ZNF223: variants seen among roughly 807,000 people sequenced by gnomAD.
The protein encoded by ZNF223 is Homo sapiens zinc finger protein 223.
ZNF223 carries 9 observed loss-of-function variants against 12.3 expected under a neutral mutation model. That is an observed-to-expected ratio of 0.73 (90% confidence interval 0.44 to 1.28). ZNF223 has a LOEUF of 1.28. Among genes scored for constraint, ZNF223 ranks in the 50% most tolerant of loss-of-function variants. The pLI is 0.00. For missense variants in ZNF223, 506 were observed against 579.0 expected (o/e 0.87, Z 1.29); for synonymous variants, 171 against 195.2 (o/e 0.88, Z 1.03).
At chr19:44,063,598 A>AAAGGGGCTGGG (rs1218037158) in intron 4 of ZNF223, 17 of 152,392 alleles carry the variant, frequency 1.1e-4, no homozygotes, top group African/African-American at 4.1e-4. Context: ...AGGAGGCTGG[A>AAAGGGGCTGGG]AAGGGGCTGG....
chr19:44,064,635 G>T (rs1013386430), intron 4 of ZNF223, among the ~76,000 whole-genome samples: 1 of 151,912 alleles, frequency 6.6e-6, no homozygotes, highest in Non-Finnish European at 1.5e-5. Context: ...GTGCAAATTC[G>T]GCAGTTTTTC....
chr19:44,055,211 C>CT lies in ZNF223; in HGVS notation c.15+22dup. 6.2e-7 allele frequency: 1 copy of CT among 1,612,284 alleles called. No individual in the cohort carries two copies. The highest frequency in any genetic ancestry group is 8.5e-7 in the Non-Finnish European group (1 of 1,179,312). ...TCCAAGGTAAGTAGGACTTGCCTCTCTTACTGTTAAAATTCCATCTCACTA... is the reference window on the plus strand; with the variant it reads ...TCCAAGGTAAGTAGGACTTGCCTCTCTTTACTGTTAAAATTCCATCTCACTA... On this transcript the variant is annotated intron_variant, in intron 2 of 4. Transcript: ENST00000434772.
chr19:44,052,645 A>G (rs1976716815), intron 1 of ZNF223, among the ~76,000 whole-genome samples: 1 of 152,128 alleles, frequency 6.6e-6, no homozygotes, highest in Admixed American at 6.5e-5. Flanking sequence ...AAGTGTTTAC[A>G]TTTTTCCTGT....
chr19:44,063,030 G>A (rs1976861701), intron 4 of ZNF223, among the ~76,000 whole-genome samples: 1 of 152,130 alleles, frequency 6.6e-6, no homozygotes, highest in Admixed American at 6.5e-5. Context: ...TATAGATTTA[G>A]TGCTATATTT....
intron 4 of ZNF223, among the ~76,000 whole-genome samples, chr19:44,062,959 T>G (rs73558209): frequency 0.029 from 4,472 of 152,342 alleles, 215 homozygotes; most frequent in African/African-American, 0.1. Context: ...TATTTCCCTT[T>G]TCTTTACATT....
Position 44,066,119 on chromosome 19 carries a change from G to C in ZNF223, c.291G>C (p.Gly97=). ...TTCCAGAAGCAGGACCACATGAAGG[G>C]TGGTCCTGCCAGCAGATCTGGGAAG... The part of the protein sequence containing the change: ...KTFPEAGPHE[G]WSCQQIWEEI... Residue 97 remains glycine, a synonymous_variant, in exon 5 of 5, where the codon GGG becomes GGC. Coordinates refer to ENST00000434772, the MANE Select transcript of ZNF223 (RefSeq NM_013361.6). The C allele has an allele frequency of 2.5e-6, 4 of 1,613,700 alleles. No individual in the cohort carries two copies. Among genetic ancestry groups the C allele is most frequent in the Non-Finnish European group, 3.4e-6 (4 of 1,179,810 alleles).
intron 2 of ZNF223, among the ~76,000 whole-genome samples, chr19:44,057,522 A>G (rs1303059579): frequency 6.6e-6 from 1 of 152,196 alleles, no homozygotes; most frequent in Admixed American, 6.5e-5. Flanking sequence ...AATACCAGCT[A>G]ATGTTCATTA....
chr19:44,061,445 G>A (rs1278243824), intron 4 of ZNF223, among the ~76,000 whole-genome samples: 1 of 152,196 alleles, frequency 6.6e-6, no homozygotes, highest in Non-Finnish European at 1.5e-5. Flanking sequence ...CCTAGACACT[G>A]TCCACACTCC....
At position 44,056,499 on chromosome 19, in the gene ZNF223, T is replaced by A. The variant is rs1185442759; in HGVS notation, c.15+1308T>A. ...GTGAGCCGAGATCGCGCCACTGCAC[T>A]CCAGCCTGAGTGACAGAGTGAGACT... On this transcript the variant is annotated intron_variant, in intron 2 of 4. Transcript: ENST00000434772. Among the ~76,000 whole-genome samples the A allele has an allele frequency of 2.5e-5, 3 of 118,968 alleles. No individual in the cohort carries two copies. In the Admixed American group the frequency reaches 2.8e-4, roughly 11 times the overall value. 78.0% of individuals were successfully genotyped at this position (118,968 alleles called of 152,430 possible). A position where few individuals can be genotyped will look rare whatever the true frequency, so the allele number is the denominator to read the frequency against.
In ZNF223 at chr19:44,066,108, C is replaced by T. The variant is rs1239748414; in HGVS notation, c.280C>T (p.Pro94Ser). The T allele has an allele frequency of 1.9e-6, 3 of 1,608,568 alleles. No homozygotes were observed. The highest frequency in any genetic ancestry group is 3.4e-5 in the Admixed American group (2 of 58,600). The change falls in exon 5 of 5, where the codon CCA (proline) becomes TCA (serine). Residue 94 changes from proline (P) to serine (S), a missense_variant. Pro to Ser is a moderately conservative substitution (Grantham distance 74). Transcript: ENST00000434772. ...GATGAAGACTTTTCCAGAAGCAGGA[C>T]CACATGAAGGGTGGTCCTGCCAGCA... ...PEMKTFPEAG[P>S]HEGWSCQQIW...
Position 44,067,488 on chromosome 19 carries a change from CT to C in ZNF223, c.*213del. On this transcript the variant is annotated 3_prime_UTR_variant, in exon 5 of 5. Coordinates refer to ENST00000434772, the MANE Select transcript of ZNF223 (RefSeq NM_013361.6). Reference sequence around the variant, plus strand: ...CTGCAGAACAGCAGAACTTCTTCCTCTTATCTACCTGTACTTTTGCATCCAT... The same window carrying C: ...CTGCAGAACAGCAGAACTTCTTCCTCTATCTACCTGTACTTTTGCATCCAT... 1 of 664,722 alleles carries C rather than the reference CT, an allele frequency of 1.5e-6. No individual in the cohort carries two copies. The highest frequency in any genetic ancestry group is 2.7e-6 in the Non-Finnish European group (1 of 377,044). 41.2% of individuals were successfully genotyped at this position (664,722 alleles called of 1,614,324 possible).
At chr19:44,052,756 C>T (rs1599866116) in intron 1 of ZNF223, among the ~76,000 whole-genome samples, 1 of 151,912 alleles carries the variant, frequency 6.6e-6, no homozygotes, top group South Asian at 2.1e-4. Flanking sequence ...CCACATACCA[C>T]GGTAATTGTG....
rs1438944068 is a variant in ZNF223, at chr19:44,067,748, G to T, written c.*471G>T. 2 of 273,238 alleles carry T rather than the reference G, an allele frequency of 7.3e-6. No individual in the cohort carries two copies. Among genetic ancestry groups the T allele is most frequent in the South Asian group, 8.0e-5 (2 of 25,122 alleles). The allele number at this position is 273,238 out of a possible 1,614,324, so 16.9% of individuals were successfully genotyped here. On this transcript the variant is annotated 3_prime_UTR_variant, in exon 5 of 5. Transcript: ENST00000434772. ...ACAATTAGTTATTATTCAGGAGACA[G>T]GTCTTAGTATAAGAGTTTGTTCACA...
chr19:44,060,522 C>T lies in ZNF223; in HGVS notation c.83C>T (p.Ala28Val), dbSNP rs1976822762. Residue 28 changes from alanine to valine, a missense_variant, in exon 3 of 5, where the codon GCC becomes GTC. Transcript: ENST00000434772. ...GAGGAGCTGGGGCTGCTGGACCTTG[C>T]CCAGAGGAAGCTGTATCGAGATGTG... ...TEEELGLLDL[A>V]QRKLYRDVML... 1 of 1,613,988 alleles carries T rather than the reference C, an allele frequency of 6.2e-7. No individual in the cohort carries two copies. The highest frequency in any genetic ancestry group is 1.3e-5 in the African/African-American group (1 of 74,898).
At chr19:44,053,084 A>C (rs773473090) in intron 1 of ZNF223, among the ~76,000 whole-genome samples, 12 of 152,000 alleles carry the variant, frequency 7.9e-5, no homozygotes. Context: ...TCACATTTCC[A>C]TAGTTGTTCA....
At chr19:44,063,589 G>A (rs1976869327) in intron 4 of ZNF223, 1 of 152,368 alleles carries the variant, frequency 6.6e-6, no homozygotes, top group Admixed American at 6.5e-5. Context: ...CAGCAGAAAA[G>A]GAGGCTGGAA....
intron 2 of ZNF223, among the ~76,000 whole-genome samples, chr19:44,057,953 C>T (rs1262008687): frequency 6.6e-6 from 1 of 152,124 alleles, no homozygotes; most frequent in Non-Finnish European, 1.5e-5. Context: ...ATGAGCTGGC[C>T]ATCCAGGGCT....
At position 44,052,671 on chromosome 19, in the gene ZNF223, C is replaced by T. The variant is rs182237455; in HGVS notation, c.-69+476C>T. Among the ~76,000 whole-genome samples the T allele has an allele frequency of 1.6e-3, 244 of 152,188 alleles. 1 individual carries two copies. The highest frequency in any genetic ancestry group is 2.6e-3 in the Non-Finnish European group (175 of 68,016). ...TTTTTCCTGTTTGCTTTGTTGATGA[C>T]CATCAACCAAATACCACCAGGAACA... On this transcript the variant is annotated intron_variant, in intron 1 of 4. Transcript: ENST00000434772.
Position 44,067,243 on chromosome 19 carries a change from A to T in ZNF223, c.1415A>T (p.Asp472Val). ...GKRYKRRLNL[D>V]IILSLFLNDT is the part of the protein sequence containing the mutation. ...CGCTACAAGAGGCGCTTGAATCTTG[A>T]TATAATTTTATCATTATTTTTAAAT... Residue 472 changes from aspartate (D) to valine (V), a missense_variant, in exon 5 of 5, where the codon GAT (aspartate) becomes GTT (valine). Transcript: ENST00000434772. 6.2e-7 allele frequency: 1 copy of T among 1,607,944 alleles called. No homozygotes were observed. Among genetic ancestry groups the T allele is most frequent in the South Asian group, 1.1e-5 (1 of 89,260 alleles).
Sources: gnomAD v4.1 joint callset for allele counts (sites outside exome capture counted in the v4.1 genomes callset) on GRCh38, gnomAD v4.1.1 for gene constraint, MANE v1.5 for transcripts, NCBI Gene and HGNC (gene_info 2026-07-23, HGNC 2026-07-21) for gene names.